Variants in SORCS3 observed in about 807,000 individuals in gnomAD.
The protein encoded by SORCS3 is VPS10 domain-containing receptor SorCS3.
A neutral mutation model predicts 146.3 loss-of-function variants in SORCS3; 57 were observed. The ratio of observed to expected loss-of-function variants is 0.39; its 90% confidence interval spans 0.31 to 0.49. SORCS3 has a LOEUF of 0.49. Ranked by LOEUF, SORCS3 falls within the 20% of genes least tolerant of loss-of-function variation. The probability of loss-of-function intolerance (pLI) is 0.92; values close to 1 mark genes in which losing one functional copy is unlikely to be tolerated. For synonymous variants in SORCS3, 653 were observed against 618.5 expected (o/e 1.06, Z -0.83); for missense variants, 1,341 against 1,575.5 (o/e 0.85, Z 2.52).
intron 4 of SORCS3, among the ~76,000 whole-genome samples, chr10:105,012,246 T>C (rs900793526): frequency 6.6e-6 from 1 of 152,166 alleles, no homozygotes; most frequent in Non-Finnish European, 1.5e-5. Flanking sequence ...CCCTGGTTCA[T>C]CTGAGTTCTT....
At chr10:104,886,596 AT>A (rs2018690928) in intron 2 of SORCS3, among the ~76,000 whole-genome samples, 1 of 151,612 alleles carries the variant, frequency 6.6e-6, no homozygotes, top group Admixed American at 6.6e-5. Flanking sequence ...CTATCTATCT[AT>A]CTATCTATCT....
intron 8 of SORCS3, among the ~76,000 whole-genome samples, chr10:105,147,373 C>T (rs2056138474): frequency 6.6e-6 from 1 of 152,060 alleles, no homozygotes; most frequent in Non-Finnish European, 1.5e-5. Context: ...GTAGATGAAT[C>T]CTTGAAAGCC....
chr10:104,752,589 T>C (rs74625568), intron 1 of SORCS3, among the ~76,000 whole-genome samples: 1 of 152,328 alleles, frequency 6.6e-6, no homozygotes, highest in African/African-American at 2.4e-5. Flanking sequence ...CCCTCTTCCA[T>C]TTATTTGAGA....
intron 3 of SORCS3, among the ~76,000 whole-genome samples, chr10:104,920,515 T>A (rs369789538): frequency 1.3e-5 from 2 of 152,168 alleles, no homozygotes; most frequent in Admixed American, 1.3e-4. Flanking sequence ...ATCCACATGA[T>A]CTCTAATCCT....
At chr10:105,150,828 A>AG (rs1370515182) in intron 9 of SORCS3, among the ~76,000 whole-genome samples, 5 of 152,170 alleles carry the variant, frequency 3.3e-5, no homozygotes, top group African/African-American at 1.2e-4. Context: ...ATTGGTCTCT[A>AG]GGGGTCATTA....
intron 1 of SORCS3, among the ~76,000 whole-genome samples, chr10:104,656,447 A>G (rs79990599): frequency 6.6e-6 from 1 of 152,150 alleles, no homozygotes; most frequent in African/African-American, 2.4e-5. Flanking sequence ...CCCTGAGCCC[A>G]GGAGTTTGAG....
chr10:104,939,917 C>G (rs2019295021), intron 3 of SORCS3, among the ~76,000 whole-genome samples: 1 of 151,862 alleles, frequency 6.6e-6, no homozygotes, highest in Non-Finnish European at 1.5e-5. Context: ...TCCCCCATGC[C>G]TTTGTTACCG....
At chr10:105,210,201 G>A (rs2056625656) in intron 16 of SORCS3, among the ~76,000 whole-genome samples, 1 of 152,096 alleles carries the variant, frequency 6.6e-6, no homozygotes, top group Non-Finnish European at 1.5e-5. Flanking sequence ...AAAAAGAAAG[G>A]AGTTGTGGGT....
At chr10:105,063,997 T>A (rs2133720553) in intron 5 of SORCS3, among the ~76,000 whole-genome samples, 1 of 152,334 alleles carries the variant, frequency 6.6e-6, no homozygotes, top group South Asian at 2.1e-4. Context: ...TGCCTGCAGA[T>A]GGCCCCAGAG....
intron 1 of SORCS3, among the ~76,000 whole-genome samples, chr10:104,839,037 A>C (rs2018106025): frequency 1.3e-5 from 2 of 152,166 alleles, no homozygotes; most frequent in Non-Finnish European, 2.9e-5. Flanking sequence ...AGAGCAATAG[A>C]CTGGCTTAAT....
At chr10:105,071,887 A>C (rs1256905237) in intron 5 of SORCS3, among the ~76,000 whole-genome samples, 1 of 152,240 alleles carries the variant, frequency 6.6e-6, no homozygotes, top group Non-Finnish European at 1.5e-5. Context: ...AAAGACATAG[A>C]AATGAGATTT....
At position 105,145,255 on chromosome 10, in the gene SORCS3, G is replaced by A. The variant is rs570229906; in HGVS notation, c.1303-2362G>A. Among the ~76,000 whole-genome samples, 5 of 152,238 alleles carry A rather than the reference G, an allele frequency of 3.3e-5. No individual in the cohort carries two copies. The South Asian group carries it at 6.2e-4, about 19-fold the overall frequency. ...ATTAGGTTTAAATTAAGATAAAATT[G>A]TAGGTTTATATCTTAGTAATGTTAT... On this transcript the variant is annotated intron_variant, in intron 8 of 26. Coordinates refer to ENST00000369701, the MANE Select transcript of SORCS3 (RefSeq NM_014978.3).
intron 5 of SORCS3, among the ~76,000 whole-genome samples, chr10:105,077,821 T>C (rs1022791699): frequency 6.6e-6 from 1 of 152,198 alleles, no homozygotes; most frequent in Non-Finnish European, 1.5e-5. Flanking sequence ...TCTACTCAGC[T>C]GTTGACAAGA....
chr10:105,203,443 G>A (rs1456725970), intron 16 of SORCS3, among the ~76,000 whole-genome samples: 1 of 152,026 alleles, frequency 6.6e-6, no homozygotes, highest in African/African-American at 2.4e-5. Context: ...AGGCTTCCTT[G>A]TGTCCTTCTG....
intron 6 of SORCS3, among the ~76,000 whole-genome samples, chr10:105,096,084 A>T (rs1303476367): frequency 1.3e-5 from 2 of 149,420 alleles, no homozygotes; most frequent in Non-Finnish European, 3.0e-5. Context: ...CAAACCAAGC[A>T]TTATAATCAC....
chr10:104,963,281 A>G lies in SORCS3; in HGVS notation c.796-14054A>G, dbSNP rs551685727. On this transcript the variant is annotated intron_variant, in intron 3 of 26. Coordinates refer to ENST00000369701, the MANE Select transcript of SORCS3 (RefSeq NM_014978.3). ...AGTGGTCATGGCAATTTATGCTTGC[A>G]TCAACATTGACAGTCTGCCTAGCTC... Among the ~76,000 whole-genome samples, 6 of 152,296 alleles carry G rather than the reference A, an allele frequency of 3.9e-5. No homozygotes were observed. The South Asian group carries it at 8.3e-4, about 21-fold the overall frequency.
chr10:105,255,254 T>C (rs1197515669), intron 23 of SORCS3, among the ~76,000 whole-genome samples: 1 of 142,464 alleles, frequency 7.0e-6, no homozygotes, highest in Non-Finnish European at 1.5e-5. Flanking sequence ...TTCTCACTCA[T>C]AGGTGGGAAT....
In SORCS3 at chr10:104,968,780, G is replaced by C. The variant is rs1238291607; in HGVS notation, c.796-8555G>C. Among the ~76,000 whole-genome samples, 3 of 152,078 alleles carry C rather than the reference G, an allele frequency of 2.0e-5. No individual in the cohort carries two copies. In the East Asian group the frequency reaches 5.8e-4, roughly 29 times the overall value. On this transcript the variant is annotated intron_variant, in intron 3 of 26. Coordinates refer to ENST00000369701, the MANE Select transcript of SORCS3 (RefSeq NM_014978.3). Reference sequence around the variant, plus strand: ...GCTTGTGAATGTCTTTGTTTTTGTAGAAACATGCTATCACAGCTTTAGCGA... The same window carrying C: ...GCTTGTGAATGTCTTTGTTTTTGTACAAACATGCTATCACAGCTTTAGCGA...
At chr10:105,241,754 G>A (rs528663619) in intron 20 of SORCS3, among the ~76,000 whole-genome samples, 22 of 152,238 alleles carry the variant, frequency 1.4e-4, no homozygotes, top group Admixed American at 5.9e-4. Context: ...AAGTCAGGCC[G>A]TCGTCTTCTC....
Sources: allele counts gnomAD v4.1 joint callset (sites outside exome capture counted in the v4.1 genomes callset), GRCh38; gene constraint gnomAD v4.1.1; transcripts MANE v1.5; gene names NCBI Gene and HGNC (gene_info 2026-07-23, HGNC 2026-07-21).